BANK1: variants seen among roughly 807,000 people sequenced by gnomAD.
The protein encoded by BANK1 is B-cell scaffold protein with ankyrin repeats.
BANK1 carries 95 observed loss-of-function variants against 94.5 expected under a neutral mutation model. That is an observed-to-expected ratio of 1.00 (90% CI 0.85 to 1.19). The LOEUF (loss-of-function observed/expected upper bound fraction) is 1.19. Ranked by LOEUF, BANK1 falls within the 50% of genes most tolerant of loss-of-function variation. The probability of loss-of-function intolerance (pLI) is 0.00; values close to 1 mark genes in which losing one functional copy is unlikely to be tolerated. For synonymous variants in BANK1, 334 were observed against 308.4 expected (o/e 1.08, Z -0.87); for missense variants, 987 against 932.2 (o/e 1.06, Z -0.77).
At chr4:101,914,513 T>C (rs1422365428) in intron 6 of BANK1, among the ~76,000 whole-genome samples, 1 of 152,146 alleles carries the variant, frequency 6.6e-6, no homozygotes, top group Non-Finnish European at 1.5e-5. Context: ...AAAATGCACT[T>C]GATTCTCATT....
chr4:101,865,702 T>A (rs1387327264), intron 4 of BANK1, among the ~76,000 whole-genome samples: 1 of 152,092 alleles, frequency 6.6e-6, no homozygotes, highest in African/African-American at 2.4e-5. Context: ...TAAGACTTAA[T>A]CATAAGAATG....
At chr4:101,912,491 G>T (rs1209836374) in intron 6 of BANK1, among the ~76,000 whole-genome samples, 1 of 151,490 alleles carries the variant, frequency 6.6e-6, no homozygotes, top group Non-Finnish European at 1.5e-5. Context: ...TAAAATGTGT[G>T]TGTATATGTG....
intron 14 of BANK1, 147 bp downstream of exon 14, chr4:102,071,451 C>A: frequency 1.3e-6 from 1 of 771,458 alleles, no homozygotes; most frequent in Non-Finnish European, 2.1e-6. Flanking sequence ...AACAACTTGA[C>A]ATCCAAAATA....
At chr4:101,978,134 A>T (rs1342991420) in intron 7 of BANK1, among the ~76,000 whole-genome samples, 1 of 150,836 alleles carries the variant, frequency 6.6e-6, no homozygotes, top group Non-Finnish European at 1.5e-5. Context: ...AGTAATAATA[A>T]AAAAGTAGGT....
intron 6 of BANK1, among the ~76,000 whole-genome samples, chr4:101,916,586 A>G (rs1722836329): frequency 2.0e-5 from 3 of 152,010 alleles, no homozygotes; most frequent in Admixed American, 2.0e-4. Context: ...CTGCCTCAGA[A>G]AGTTTAGGAG....
chr4:101,879,814 G>A (rs115286479), intron 5 of BANK1, among the ~76,000 whole-genome samples: 17,136 of 151,960 alleles, frequency 0.11, 1,723 homozygotes, highest in African/African-American at 0.27. Flanking sequence ...GTGATATATC[G>A]TATCAACAGA....
In BANK1 at chr4:101,931,366, G is replaced by C. The variant is rs1723334901; in HGVS notation, c.1206+13177G>C. Among the ~76,000 whole-genome samples the C allele has an allele frequency of 2.0e-5, 3 of 151,532 alleles. No individual in the cohort carries two copies. The South Asian group carries it at 6.2e-4, about 31-fold the overall frequency. On this transcript the variant is annotated intron_variant, in intron 7 of 16. Transcript: ENST00000322953. ...TAGAACACAACTGGAACCTTTCCTTGAACTGGAATGTCTGTGTTTTCCTGC... is the reference window on the plus strand; with the variant it reads ...TAGAACACAACTGGAACCTTTCCTTCAACTGGAATGTCTGTGTTTTCCTGC...
intron 1 of BANK1, 114 bp downstream of exon 1, chr4:101,791,064 C>T: frequency 1.2e-6 from 1 of 846,862 alleles, no homozygotes; most frequent in Non-Finnish European, 1.7e-6. Context: ...CAGGGCGTCC[C>T]TGAGACAGGG....
At chr4:101,895,586 G>T (rs181639854) in intron 6 of BANK1, among the ~76,000 whole-genome samples, 176 bp downstream of exon 6, 2 of 151,840 alleles carry the variant, frequency 1.3e-5, no homozygotes, top group East Asian at 3.9e-4. Context: ...TGTTCGTTTG[G>T]TAATTTTTTT....
At chr4:102,071,509 A>G (rs1306904003) in intron 14 of BANK1, among the ~76,000 whole-genome samples, 1 of 152,240 alleles carries the variant, frequency 6.6e-6, no homozygotes, top group Non-Finnish European at 1.5e-5. Flanking sequence ...CCATAACGTA[A>G]TAAAAGGACC....
At chr4:101,881,117 T>A (rs1189171851) in intron 5 of BANK1, among the ~76,000 whole-genome samples, 2 of 151,862 alleles carry the variant, frequency 1.3e-5, no homozygotes, top group South Asian at 2.1e-4. Context: ...AAGGAAACAA[T>A]CAACAAGGTG....
At chr4:102,050,164 T>C (rs1017909652) in intron 11 of BANK1, among the ~76,000 whole-genome samples, 1 of 152,188 alleles carries the variant, frequency 6.6e-6, no homozygotes, top group Non-Finnish European at 1.5e-5. Flanking sequence ...TAATAAACTT[T>C]CAATACTACT....
intron 7 of BANK1, among the ~76,000 whole-genome samples, chr4:101,955,227 G>T (rs1394597381): frequency 6.6e-6 from 1 of 152,106 alleles, no homozygotes; most frequent in Non-Finnish European, 1.5e-5. Flanking sequence ...AGATGATACG[G>T]TTAACATGGG....
At chr4:102,067,574 T>C (rs1257883350) in intron 13 of BANK1, among the ~76,000 whole-genome samples, 3 of 151,956 alleles carry the variant, frequency 2.0e-5, no homozygotes, top group Non-Finnish European at 4.4e-5. Context: ...TAAACAAGGA[T>C]ATTACATACA....
intron 10 of BANK1, among the ~76,000 whole-genome samples, chr4:102,043,247 G>A (rs1487080479): frequency 1.4e-5 from 2 of 147,020 alleles, no homozygotes; most frequent in African/African-American, 5.4e-5. Flanking sequence ...AATGGGGTGA[G>A]TAATGCTGAC....
intron 7 of BANK1, among the ~76,000 whole-genome samples, chr4:101,936,560 G>A (rs1234752801): frequency 6.7e-6 from 1 of 149,950 alleles, no homozygotes; most frequent in African/African-American, 2.4e-5. Flanking sequence ...ATACATATAT[G>A]TATATGTATA....
intron 1 of BANK1, among the ~76,000 whole-genome samples, chr4:101,800,254 C>T (rs1190429141): frequency 2.6e-5 from 4 of 151,202 alleles, no homozygotes; most frequent in Non-Finnish European, 5.9e-5. Context: ...ATGTTGTGCA[C>T]ATGTACCCTA....
intron 6 of BANK1, among the ~76,000 whole-genome samples, chr4:101,899,825 G>A (rs1365760771): frequency 6.6e-6 from 1 of 152,208 alleles, no homozygotes; most frequent in Non-Finnish European, 1.5e-5. Context: ...AGTATACAAG[G>A]AGCATAGATA....
intron 7 of BANK1, among the ~76,000 whole-genome samples, chr4:101,946,421 G>A (rs1456394005): frequency 6.6e-6 from 1 of 151,948 alleles, no homozygotes; most frequent in African/African-American, 2.4e-5. Context: ...AAGCCGAGCA[G>A]AGAAAGTTCT....
Sources: gnomAD v4.1 joint callset for allele counts (sites outside exome capture counted in the v4.1 genomes callset) on GRCh38, gnomAD v4.1.1 for gene constraint, MANE v1.5 for transcripts, NCBI Gene and HGNC (gene_info 2026-07-23, HGNC 2026-07-21) for gene names.